Variants in CHRM3 observed in about 807,000 individuals in gnomAD.
CHRM3 encodes the protein cholinergic receptor muscarinic 3, also known as muscarinic acetylcholine receptor M3.
Under a neutral mutation model 41.8 loss-of-function variants are expected in CHRM3, and 11 were observed. The observed-to-expected ratio is 0.26, with a 90% CI of 0.17 to 0.44. The LOEUF (loss-of-function observed/expected upper bound fraction) is 0.44. CHRM3 is among the 20% of genes least tolerant of loss of function. The pLI is 1.00. For synonymous variants in CHRM3, 297 were observed against 301.4 expected (o/e 0.99, Z 0.15); for missense variants, 571 against 745.4 (o/e 0.77, Z 2.72).
intron 3 of CHRM3, among the ~76,000 whole-genome samples, chr1:239,552,884 C>T (rs972622227): frequency 2.0e-5 from 3 of 151,938 alleles, no homozygotes; most frequent in South Asian, 2.1e-4. Context: ...TTTATGCATT[C>T]GAAGATGAAC....
chr1:239,832,731 C>T (rs1007225631), intron 6 of CHRM3, among the ~76,000 whole-genome samples: 2 of 151,804 alleles, frequency 1.3e-5, no homozygotes, highest in African/African-American at 2.4e-5. Flanking sequence ...TAAAAAAGAT[C>T]ATGGGGACAT....
chr1:239,692,306 G>C (rs953215457), intron 5 of CHRM3, among the ~76,000 whole-genome samples: 10 of 152,116 alleles, frequency 6.6e-5, no homozygotes, highest in African/African-American at 2.4e-4. Context: ...TAAGGTCCAA[G>C]AATCAACACA....
chr1:239,715,285 G>C (rs944297018), intron 5 of CHRM3, among the ~76,000 whole-genome samples: 3 of 152,116 alleles, frequency 2.0e-5, no homozygotes, highest in African/African-American at 7.2e-5. Context: ...AAAGGACAGA[G>C]GGCACTATAA....
intron 6 of CHRM3, among the ~76,000 whole-genome samples, chr1:239,871,210 T>C (rs1445027854): frequency 6.6e-6 from 1 of 152,162 alleles, no homozygotes; most frequent in South Asian, 2.1e-4. Flanking sequence ...CTATATCCTG[T>C]GTATAGGGTA....
At chr1:239,770,405 T>C (rs1267121996) in intron 5 of CHRM3, among the ~76,000 whole-genome samples, 1 of 152,204 alleles carries the variant, frequency 6.6e-6, no homozygotes, top group Non-Finnish European at 1.5e-5. Flanking sequence ...GTGAAAGACA[T>C]AATCTTAGTG....
At chr1:239,553,114 T>C (rs1660026810) in intron 3 of CHRM3, among the ~76,000 whole-genome samples, 1 of 152,014 alleles carries the variant, frequency 6.6e-6, no homozygotes, top group South Asian at 2.1e-4. Context: ...ACACTACTGA[T>C]TGACATATGT....
chr1:239,396,875 C>G (rs929236708), intron 1 of CHRM3, among the ~76,000 whole-genome samples: 1 of 152,166 alleles, frequency 6.6e-6, no homozygotes, highest in African/African-American at 2.4e-5. Flanking sequence ...GTAAATCTAT[C>G]TCCTCTTCTT....
chr1:239,877,186 C>G (rs759871992), intron 6 of CHRM3, among the ~76,000 whole-genome samples: 7 of 152,106 alleles, frequency 4.6e-5, no homozygotes, highest in African/African-American at 7.2e-5. Flanking sequence ...AGTGAATCAT[C>G]CCTTTGGAAA....
chr1:239,450,698 T>A (rs1308047686), intron 1 of CHRM3, among the ~76,000 whole-genome samples: 1 of 152,218 alleles, frequency 6.6e-6, no homozygotes, highest in Non-Finnish European at 1.5e-5. Flanking sequence ...TATTGCCAAA[T>A]GGGCCCCTAG....
chr1:239,533,745 A>C (rs983167993), intron 2 of CHRM3, among the ~76,000 whole-genome samples: 17 of 149,024 alleles, frequency 1.1e-4, no homozygotes, highest in Admixed American at 6.1e-4. Context: ...AAAAAAAAAA[A>C]AAAAACAAAA....
chr1:239,744,372 A>C lies in CHRM3; in HGVS notation c.-147+66084A>C, dbSNP rs553699443. 3.3e-5 allele frequency among the ~76,000 whole-genome samples: 5 copies of C among 152,116 alleles called. No individual in the cohort carries two copies. In the South Asian group the frequency reaches 1.0e-3, roughly 32 times the overall value. Reference sequence around the variant, plus strand: ...AATACAAAAAGGGAAAGTGTGTGGAATGGGGTGGTGATGGGGGAATAGCAG... The same window carrying C: ...AATACAAAAAGGGAAAGTGTGTGGACTGGGGTGGTGATGGGGGAATAGCAG... On this transcript the variant is annotated intron_variant, in intron 5 of 6. Transcript: ENST00000676153.
chr1:239,533,893 A>G (rs945822946), intron 2 of CHRM3, among the ~76,000 whole-genome samples: 3 of 152,188 alleles, frequency 2.0e-5, no homozygotes, highest in East Asian at 3.9e-4. Flanking sequence ...GCTACAATTC[A>G]AGATGAGATT....
At chr1:239,871,792 T>C (rs1004839166) in intron 6 of CHRM3, among the ~76,000 whole-genome samples, 3 of 152,196 alleles carry the variant, frequency 2.0e-5, no homozygotes, top group Non-Finnish European at 4.4e-5. Context: ...TAAAAATCTC[T>C]TAACCTGGGA....
At chr1:239,589,060 A>G (rs1447082222) in intron 3 of CHRM3, among the ~76,000 whole-genome samples, 1 of 151,856 alleles carries the variant, frequency 6.6e-6, no homozygotes, top group African/African-American at 2.4e-5. Context: ...CAGCCTCCCA[A>G]GTAGCTGGGA....
intron 1 of CHRM3, among the ~76,000 whole-genome samples, chr1:239,404,620 C>A (rs973128373): frequency 1.3e-5 from 2 of 149,752 alleles, no homozygotes; most frequent in Admixed American, 1.3e-4. Context: ...GTGGAGTGCT[C>A]TTTCCCACTG....
At chr1:239,476,311 C>A (rs1402449228) in intron 1 of CHRM3, among the ~76,000 whole-genome samples, 1 of 151,868 alleles carries the variant, frequency 6.6e-6, no homozygotes, top group African/African-American at 2.4e-5. Flanking sequence ...ACTAAAGATA[C>A]AAAAATTAGC....
At chr1:239,809,926 A>G (rs1670985627) in intron 5 of CHRM3, among the ~76,000 whole-genome samples, 1 of 152,216 alleles carries the variant, frequency 6.6e-6, no homozygotes, top group Admixed American at 6.5e-5. Context: ...GGGATTCAGT[A>G]AAGATGAAGG....
chr1:239,769,615 G>A (rs778980167), intron 5 of CHRM3, among the ~76,000 whole-genome samples: 2 of 151,932 alleles, frequency 1.3e-5, no homozygotes, highest in African/African-American at 2.4e-5. Flanking sequence ...AATTATTTGT[G>A]TGGCGCCTGT....
intron 6 of CHRM3, among the ~76,000 whole-genome samples, chr1:239,851,268 A>G (rs866693987): frequency 2.0e-5 from 3 of 152,328 alleles, no homozygotes; most frequent in Middle Eastern, 3.4e-3. Context: ...TTCTTCTTTA[A>G]AAAACAATTA....
Sources: allele counts gnomAD v4.1 joint callset (sites outside exome capture counted in the v4.1 genomes callset), GRCh38; gene constraint gnomAD v4.1.1; transcripts MANE v1.5; gene names NCBI Gene and HGNC (gene_info 2026-07-23, HGNC 2026-07-21).